CGNL1: variants seen among roughly 807,000 people sequenced by gnomAD.
CGNL1 encodes the protein cingulin-like protein 1.
Under a neutral mutation model 141.2 loss-of-function variants are expected in CGNL1, and 132 were observed. The observed-to-expected ratio is 0.93, with a 90% CI of 0.81 to 1.08. The LOEUF (loss-of-function observed/expected upper bound fraction) is 1.08. CGNL1 is among the 50% of genes least tolerant of loss of function. The probability of loss-of-function intolerance (pLI) is 0.00; values close to 1 mark genes in which losing one functional copy is unlikely to be tolerated. For missense variants in CGNL1, 1,870 were observed against 1,588.6 expected, an observed-to-expected ratio of 1.18 and a Z score of -3.01; for synonymous variants, 690 against 622.1, an observed-to-expected ratio of 1.11 and a Z score of -1.63.
chr15:57,389,572 A>G (rs1197537560), intron 1 of CGNL1, among the ~76,000 whole-genome samples: 1 of 152,056 alleles, frequency 6.6e-6, no homozygotes, highest in Non-Finnish European at 1.5e-5. Flanking sequence ...GGAGTTAGTT[A>G]CCTTTGTGTT....
At chr15:57,417,704 C>T (rs554051177) in intron 1 of CGNL1, among the ~76,000 whole-genome samples, 23 of 151,422 alleles carry the variant, frequency 1.5e-4, no homozygotes, top group African/African-American at 5.6e-4. Flanking sequence ...TTGCATTATG[C>T]CAGATATACT....
At chr15:57,483,638 C>G (rs1227008731) in intron 8 of CGNL1, among the ~76,000 whole-genome samples, 1 of 152,032 alleles carries the variant, frequency 6.6e-6, no homozygotes, top group Admixed American at 6.6e-5. Context: ...GCTAGAAGCT[C>G]CAATACTATG....
At chr15:57,394,710 A>G (rs1307401445) in intron 1 of CGNL1, among the ~76,000 whole-genome samples, 1 of 152,230 alleles carries the variant, frequency 6.6e-6, no homozygotes, top group Non-Finnish European at 1.5e-5. Context: ...CTTAGTGTCA[A>G]TAGTCAGGTG....
intron 1 of CGNL1, among the ~76,000 whole-genome samples, chr15:57,405,747 CCT>C (rs1491053678): frequency 1.9e-3 from 2 of 1,046 alleles, no homozygotes; most frequent in African/African-American, 2.4e-3. Context: ...TCTTTCTTTT[CCT>C]TTTTCTTTTT....
In CGNL1 at chr15:57,547,718, C is replaced by T. The variant is rs777706019; in HGVS notation, c.*228C>T. 8 of 497,038 alleles carry T rather than the reference C, an allele frequency of 1.6e-5. No homozygotes were observed. Among genetic ancestry groups the T allele is most frequent in the Non-Finnish European group, 2.5e-5 (7 of 283,172 alleles). 30.8% of individuals were successfully genotyped at this position (497,038 alleles called of 1,614,324 possible). The stretch of plus-strand genomic sequence containing the variant: ...GGGATGCCTGAGGACCAGGAGCCAC[C>T]ACCCACTGGGGTGTTGTGAGAGATA... On this transcript the variant is annotated 3_prime_UTR_variant, in exon 19 of 19. Transcript: ENST00000281282.
At chr15:57,424,105 C>T (rs1595688831) in intron 1 of CGNL1, among the ~76,000 whole-genome samples, 1 of 152,230 alleles carries the variant, frequency 6.6e-6, no homozygotes, top group East Asian at 1.9e-4. Flanking sequence ...CCTGCCCACT[C>T]CTCTGCCCTT....
At chr15:57,411,464 G>A (rs1365957714) in intron 1 of CGNL1, among the ~76,000 whole-genome samples, 2 of 143,542 alleles carry the variant, frequency 1.4e-5, no homozygotes, top group South Asian at 4.4e-4. Flanking sequence ...TTTTTTTTGA[G>A]ACAGAGCCTT....
chr15:57,415,627 A>G (rs2062839866), intron 1 of CGNL1, among the ~76,000 whole-genome samples: 1 of 152,174 alleles, frequency 6.6e-6, no homozygotes, highest in African/African-American at 2.4e-5. Context: ...ACCCTCTTGC[A>G]GTAATGAGCT....
chr15:57,491,173 TG>T (rs2063856988), intron 8 of CGNL1, among the ~76,000 whole-genome samples: 1 of 152,204 alleles, frequency 6.6e-6, no homozygotes, highest in Non-Finnish European at 1.5e-5. Flanking sequence ...TTATGACACA[TG>T]TACCATGTTC....
chr15:57,512,931 C>G (rs916608010), intron 8 of CGNL1, among the ~76,000 whole-genome samples: 3 of 150,520 alleles, frequency 2.0e-5, no homozygotes, highest in African/African-American at 7.3e-5. Context: ...CCCAGGTTTC[C>G]TGTAACTTTT....
intron 10 of CGNL1, 40 bp downstream of exon 10, chr15:57,518,537 A>G (rs2031011332): frequency 7.2e-7 from 1 of 1,379,504 alleles, no homozygotes; most frequent in Non-Finnish European, 1.0e-6. Context: ...CCTCAAGAAG[A>G]ATGCATAGAG....
chr15:57,545,761 C>G, intron 17 of CGNL1, 61 bp downstream of exon 17: 2 of 1,359,712 alleles, frequency 1.5e-6, no homozygotes, highest in Non-Finnish European at 2.1e-6. Flanking sequence ...GCTGAGGGAG[C>G]AAGGGAGGCA....
At chr15:57,509,199 T>C (rs2029997752) in intron 8 of CGNL1, among the ~76,000 whole-genome samples, 1 of 152,188 alleles carries the variant, frequency 6.6e-6, no homozygotes, top group South Asian at 2.1e-4. Flanking sequence ...GGGATGCTTC[T>C]AGTACCTCTC....
intron 1 of CGNL1, among the ~76,000 whole-genome samples, chr15:57,379,659 C>T (rs529946435): frequency 1.3e-5 from 2 of 152,188 alleles, no homozygotes; most frequent in African/African-American, 4.8e-5. Flanking sequence ...AGGGCGGTGG[C>T]ATGGCTGAGA....
intron 1 of CGNL1, among the ~76,000 whole-genome samples, chr15:57,409,440 A>T (rs981926073): frequency 6.6e-6 from 1 of 152,224 alleles, no homozygotes; most frequent in Non-Finnish European, 1.5e-5. Flanking sequence ...GACGGTGGCC[A>T]TGGGGAGAAC....
In CGNL1 at chr15:57,550,520, C is replaced by CT. The variant is rs2033065657; in HGVS notation, c.*3034dup. On this transcript the variant is annotated 3_prime_UTR_variant, in exon 19 of 19. Transcript: ENST00000281282. ...TACTGAAGAGACAATCATCCTGTAT[C>CT]TTTTATGGTTTTTCCTGCTTCTGAG... 1 of 152,604 alleles carries CT rather than the reference C, an allele frequency of 6.6e-6. No individual in the cohort carries two copies. The highest frequency in any genetic ancestry group is 1.5e-5 in the Non-Finnish European group (1 of 68,034). 9.5% of individuals were successfully genotyped at this position (152,604 alleles called of 1,614,324 possible).
chr15:57,414,767 G>T (rs1490951995), intron 1 of CGNL1, among the ~76,000 whole-genome samples: 1 of 152,202 alleles, frequency 6.6e-6, no homozygotes, highest in Non-Finnish European at 1.5e-5. Context: ...TTAGGCCGAG[G>T]TTAGGGTTAG....
rs371790651 is a variant in CGNL1 at position 57,439,509 on chromosome 15, C to T, written c.1510C>T (p.Leu504=). The T allele has an allele frequency of 1.7e-5, 27 of 1,614,100 alleles. No individual in the cohort carries two copies. The highest frequency in any genetic ancestry group is 1.5e-4 in the Admixed American group (9 of 60,008). Residue 504 remains leucine, a synonymous_variant, in exon 2 of 19, where the codon CTG becomes TTG. Coordinates refer to ENST00000281282, the MANE Select transcript of CGNL1 (RefSeq NM_032866.5). ...GGAGGTGAAAACAGCCACCGCTACG[C>T]TGATGTTACAGAACCGGGCAACAGC... The part of the protein sequence containing the change: ...EEEVKTATAT[L]MLQNRATATS...
chr15:57,540,362 C>T (rs545882434), intron 14 of CGNL1, among the ~76,000 whole-genome samples: 3 of 152,216 alleles, frequency 2.0e-5, no homozygotes, highest in African/African-American at 4.8e-5. Flanking sequence ...TCTTACATGG[C>T]GGCAGGCAAA....
Sources: allele counts gnomAD v4.1 joint callset (sites outside exome capture counted in the v4.1 genomes callset), GRCh38; gene constraint gnomAD v4.1.1; transcripts MANE v1.5; gene names NCBI Gene and HGNC (gene_info 2026-07-23, HGNC 2026-07-21).